Variants in NACAD observed in about 807,000 individuals in gnomAD.
NACAD encodes the protein NAC-alpha domain-containing protein 1.
NACAD carries 47 observed loss-of-function variants against 98.9 expected under a neutral mutation model. The observed-to-expected ratio is 0.48, with a 90% CI of 0.38 to 0.61. The LOEUF is 0.61. NACAD is among the 20% of genes least tolerant of loss of function. NACAD has a pLI of 0.00. For missense variants in NACAD, 1,412 were observed against 1,748.2 expected (o/e 0.81, Z 3.43); for synonymous variants, 696 against 767.2 (o/e 0.91, Z 1.53).
In NACAD at chr7:45,083,158, C is replaced by A; in HGVS notation, c.3022G>T (p.Glu1008Ter). The change falls in exon 2 of 8, where the codon GAA becomes TAA. Residue 1008 changes from glutamate to a stop codon, truncating the protein, a stop_gained. Transcript: ENST00000490531. LOFTEE classifies it high-confidence loss of function. ...VQQDDPQPAAEAGTPWAAQED... is the reference protein window; with the variant it reads ...VQQDDPQPAA ...TGTGCGGCCCAAGGTGTCCCAGCTTCTGCAGCTGGCTGTGGGTCATCCTGT... is the reference window on the plus strand; with the variant it reads ...TGTGCGGCCCAAGGTGTCCCAGCTTATGCAGCTGGCTGTGGGTCATCCTGT... The A allele has an allele frequency of 6.4e-7, 1 of 1,550,904 alleles. No individual in the cohort carries two copies. Among genetic ancestry groups the A allele is most frequent in the Non-Finnish European group, 8.7e-7 (1 of 1,147,014 alleles).
Position 45,083,426 on chromosome 7 carries a change from C to T in NACAD, c.2754G>A (p.Gln918=), listed in dbSNP as rs1315213425. The change falls in exon 2 of 8, where the codon CAG becomes CAA. Residue 918 remains glutamine (Q), a synonymous_variant. Transcript: ENST00000490531. The stretch of plus-strand genomic sequence containing the variant: ...GCAGAGGTGCTGTCATAGCGGAGTC[C>T]TGGGGTAAGGTGAGGCCCTCTTCAG... The part of the protein sequence containing the change: ...QQAEEGLTLP[Q]DSAMTAPLPL... 6.5e-7 allele frequency: 1 copy of T among 1,549,712 alleles called. No homozygotes were observed. The highest frequency in any genetic ancestry group is 2.0e-5 in the Admixed American group (1 of 50,976).
At position 45,088,525 on chromosome 7, in the gene NACAD, G is replaced by A. The variant is rs1239049918; in HGVS notation, c.67+303C>T. Among the ~76,000 whole-genome samples the A allele has an allele frequency of 1.3e-5, 2 of 152,342 alleles. No individual in the cohort carries two copies. Among genetic ancestry groups the A allele is most frequent in the East Asian group, 3.9e-4 (2 of 5,180 alleles). On this transcript the variant is annotated intron_variant, in intron 1 of 7. Transcript: ENST00000490531. The surrounding 1 kb of genome is among the most constrained non-coding windows in gnomAD (Gnocchi z 5.7). Reference sequence around the variant, plus strand: ...AGCCCCAGCAGGCTGGCAGCTCGGTGCAAACAACGGGATGCAGCGGGCGGG... The same window carrying A: ...AGCCCCAGCAGGCTGGCAGCTCGGTACAAACAACGGGATGCAGCGGGCGGG...
At position 45,085,476 on chromosome 7, in the gene NACAD, G is replaced by A. The variant is rs895030971; in HGVS notation, c.704C>T (p.Ser235Phe). 36 of 1,550,634 alleles carry A rather than the reference G, an allele frequency of 2.3e-5. No individual in the cohort carries two copies. Among genetic ancestry groups the A allele is most frequent in the Non-Finnish European group, 3.1e-5 (35 of 1,146,906 alleles). The change falls in exon 2 of 8, where the codon TCC (serine) becomes TTC (phenylalanine). Residue 235 changes from serine (S) to phenylalanine (F), a missense_variant. Around this residue, in one of 5 missense-constraint regions of NACAD, gnomAD observed 638 missense variants for 722.7 expected, o/e 0.88. Coordinates refer to ENST00000490531, the MANE Select transcript of NACAD (RefSeq NM_001146334.2). This position sits in a 1 kb window ranked among gnomAD's most constrained non-coding sequence, Gnocchi z 6.1. ...TTCAGCCGGAGCCAGCAGGCTGAGG[G>A]AACAGGAGGGTGAAGAGGCCCAGCT... is the stretch of plus-strand genomic sequence containing the variant. ...GDSWASSPSC[S>F]LSLLAPAEGL...
Position 45,081,243 on chromosome 7 carries a change from C to T in NACAD, c.4278G>A (p.Leu1426=), listed in dbSNP as rs1784426156. Residue 1426 remains leucine, a synonymous_variant, in exon 5 of 8, where the codon TTG becomes TTA. Transcript: ENST00000490531. ...KARKAMSKLG[L]RQIQGVTRIT... is the part of the protein sequence containing the mutation. ...TCCTGGTGACTCCCTGAATCTGCCG[C>T]AAGCCCAGCTTTGACATTGCCTGGG... The T allele has an allele frequency of 1.3e-6, 2 of 1,551,392 alleles. No individual in the cohort carries two copies. The highest frequency in any genetic ancestry group is 1.7e-6 in the Non-Finnish European group (2 of 1,146,980).
chr7:45,086,194 T>G (rs1331190132), intron 1 of NACAD, 82 bp from the exon 2 acceptor site: 3 of 1,417,546 alleles, frequency 2.1e-6, no homozygotes, highest in Non-Finnish European at 1.9e-6. Flanking sequence ...GAATTCCGGC[T>G]GCATAGGGCC....
rs1288317299 is a variant in NACAD, at chr7:45,083,530, G to C, written c.2650C>G (p.Pro884Ala). Reference sequence around the variant, plus strand: ...TCTGTGTCTTGTAGGGGCAGAGGCGGTGTCATAGCGGAGTCCTGGGGTAAG... The same window carrying C: ...TCTGTGTCTTGTAGGGGCAGAGGCGCTGTCATAGCGGAGTCCTGGGGTAAG... ...LTLPQDSAMT[P>A]PLPLQDTDLS... The change falls in exon 2 of 8, where the codon CCG becomes GCG. Residue 884 changes from proline to alanine, a missense_variant. Around this residue, in one of 5 missense-constraint regions of NACAD, gnomAD observed 72 missense variants for 198.0 expected, o/e 0.36. Transcript: ENST00000490531. 1 of 1,006,764 alleles carries C rather than the reference G, an allele frequency of 9.9e-7. No individual in the cohort carries two copies. Among genetic ancestry groups the C allele is most frequent in the East Asian group, 2.7e-5 (1 of 36,948 alleles). The allele number at this position is 1,006,764 out of a possible 1,614,324, so 62.4% of individuals were successfully genotyped here. A position where few individuals can be genotyped will look rare whatever the true frequency, so the allele number is the denominator to read the frequency against.
In NACAD at chr7:45,088,936, C is replaced by G; in HGVS notation, c.-42G>C. ...CGCCCGTCCCTCAGTCCTTCCGACC[C>G]TCCGTCAGTCCGTGCCGCCGCCCCG... On this transcript the variant is annotated 5_prime_UTR_variant, in exon 1 of 8. Transcript: ENST00000490531. The surrounding 1 kb of genome is among the most constrained non-coding windows in gnomAD (Gnocchi z 5.7). 7.7e-7 allele frequency: 1 copy of G among 1,295,336 alleles called. No homozygotes were observed. Among genetic ancestry groups the G allele is most frequent in the Non-Finnish European group, 9.8e-7 (1 of 1,021,868 alleles). 80.2% of individuals were successfully genotyped at this position (1,295,336 alleles called of 1,614,324 possible). A position where few individuals can be genotyped will look rare whatever the true frequency, so the allele number is the denominator to read the frequency against.
chr7:45,088,805 G>C lies in NACAD; in HGVS notation c.67+23C>G, dbSNP rs1291327668. The C allele has an allele frequency of 6.8e-7, 1 of 1,480,050 alleles. No homozygotes were observed. Among genetic ancestry groups the C allele is most frequent in the Admixed American group, 2.2e-5 (1 of 44,970 alleles). The allele number at this position is 1,480,050 out of a possible 1,614,324, so 91.7% of individuals were successfully genotyped here. A position where few individuals can be genotyped will look rare whatever the true frequency, so the allele number is the denominator to read the frequency against. ...TGGAGAGGGGAGAGGCTGAAGGCAGGGAAAGAGTGGCCACGGCCTCACCTG... is the reference window on the plus strand; with the variant it reads ...TGGAGAGGGGAGAGGCTGAAGGCAGCGAAAGAGTGGCCACGGCCTCACCTG... On this transcript the variant is annotated intron_variant, in intron 1 of 7. Transcript: ENST00000490531. The surrounding 1 kb of genome is among the most constrained non-coding windows in gnomAD (Gnocchi z 5.7).
Position 45,083,505 on chromosome 7 carries a change from T to G in NACAD, c.2675A>C (p.Asp892Ala). ...CACAGGCTTTGGGGCTGACGAGAGA[T>G]CTGTGTCTTGTAGGGGCAGAGGCGG... ...MTPPLPLQDT[D>A]LSSAPKPVAA... The change falls in exon 2 of 8, where the codon GAT becomes GCT. Residue 892 changes from aspartate to alanine, a missense_variant. This residue lies in a region of NACAD where 72 missense variants were observed against 198.0 expected (regional missense o/e 0.36). Transcript: ENST00000490531. 1.6e-6 allele frequency: 1 copy of G among 630,730 alleles called. No homozygotes were observed. Among genetic ancestry groups the G allele is most frequent in the African/African-American group, 2.4e-5 (1 of 41,196 alleles). The allele number at this position is 630,730 out of a possible 1,614,324, so 39.1% of individuals were successfully genotyped here.
rs1045152546 is a variant in NACAD, at chr7:45,083,026, C to T, written c.3154G>A (p.Ala1052Thr). The T allele has an allele frequency of 1.4e-5, 21 of 1,550,984 alleles. No individual in the cohort carries two copies. In the East Asian group the frequency reaches 2.0e-4, roughly 14 times the overall value. Residue 1052 changes from alanine to threonine, a missense_variant, in exon 2 of 8, where the codon GCA becomes ACA. Coordinates refer to ENST00000490531, the MANE Select transcript of NACAD (RefSeq NM_001146334.2). ...GTGTGCGCTCGCGCTTCCAGACATGCTTCCCGTCCAGGCCTAGAAAGGGCT... is the reference window on the plus strand; with the variant it reads ...GTGTGCGCTCGCGCTTCCAGACATGTTTCCCGTCCAGGCCTAGAAAGGGCT... ...AEALSRPGRE[A>T]CLEARAHTGD... is the part of the protein sequence containing the mutation.
Position 45,084,875 on chromosome 7 carries a change from C to T in NACAD, c.1305G>A (p.Gln435=), listed in dbSNP as rs1784489714. ...CCCAGGACACAGTCCCATCCTGAGCCTGCAGCCCCTTGGCCCCACCTCCGC... is the reference window on the plus strand; with the variant it reads ...CCCAGGACACAGTCCCATCCTGAGCTTGCAGCCCCTTGGCCCCACCTCCGC... ...EESGGGAKGL[Q]AQDGTVSWAV... is the part of the protein sequence containing the mutation. The change falls in exon 2 of 8, where the codon CAG becomes CAA. Residue 435 remains glutamine (Q), a synonymous_variant. Coordinates refer to ENST00000490531, the MANE Select transcript of NACAD (RefSeq NM_001146334.2). 1.3e-6 allele frequency: 2 copies of T among 1,551,078 alleles called. No homozygotes were observed. Among genetic ancestry groups the T allele is most frequent in the Non-Finnish European group, 1.7e-6 (2 of 1,146,890 alleles).
rs1288959870 is a variant in NACAD, at chr7:45,084,652, C to G, written c.1528G>C (p.Glu510Gln). Residue 510 changes from glutamate (E) to glutamine (Q), a missense_variant, in exon 2 of 8, where the codon GAA becomes CAA. This residue lies in a region of NACAD where 638 missense variants were observed against 722.7 expected (regional missense o/e 0.88). Coordinates refer to ENST00000490531, the MANE Select transcript of NACAD (RefSeq NM_001146334.2). ...TCTTGTCCAGCGGTGGAGTCTGTTT[C>G]TTCCTCCCCAGCCTGTGGGGTCACT... ...TRVTPQAGEE[E>Q]TDSTAGQESA... The G allele has an allele frequency of 3.9e-6, 6 of 1,551,344 alleles. No individual in the cohort carries two copies. The highest frequency in any genetic ancestry group is 3.9e-5 in the Admixed American group (2 of 50,968).
Position 45,080,888 on chromosome 7 carries a change from CT to C in NACAD, c.4538del (p.Glu1513GlyfsTer19). The C allele has an allele frequency of 6.4e-7, 1 of 1,557,750 alleles. No homozygotes were observed. Among genetic ancestry groups the C allele is most frequent in the Non-Finnish European group, 8.7e-7 (1 of 1,150,706 alleles). ...VRLECKEEEEEEEEEVDEAGL... is the reference protein window; with the variant it reads ...VRLECKEEEEXEEEEVDEAGL... ...CCCTGCACTTCACCTCTTCCTCCTC[CT>C]CCTCTTCCTCTTCCTTGCACTCCAG... On this transcript the variant is annotated frameshift_variant, in exon 6 of 8. Coordinates refer to ENST00000490531, the MANE Select transcript of NACAD (RefSeq NM_001146334.2). LOFTEE classifies it high-confidence loss of function.
chr7:45,082,154 C>A lies in NACAD; in HGVS notation c.4026G>T (p.Gly1342=). 2 of 1,495,162 alleles carry A rather than the reference C, an allele frequency of 1.3e-6. No homozygotes were observed. The highest frequency in any genetic ancestry group is 1.3e-5 in the South Asian group (1 of 74,224). The allele number at this position is 1,495,162 out of a possible 1,614,324, so 92.6% of individuals were successfully genotyped here. A position where few individuals can be genotyped will look rare whatever the true frequency, so the allele number is the denominator to read the frequency against. ...SGPQSPAGPQ[G]LSAPEQQEDE... ...CCTCTTGCTGCTCGGGGGCTGAGAG[C>A]CCTTGAGGGCCAGCTGGGCTCTGGG... is the stretch of plus-strand genomic sequence containing the variant. The change falls in exon 2 of 8, where the codon GGG becomes GGT. Residue 1342 remains glycine, a synonymous_variant. Coordinates refer to ENST00000490531, the MANE Select transcript of NACAD (RefSeq NM_001146334.2). The surrounding 1 kb of genome is among the most constrained non-coding windows in gnomAD (Gnocchi z 4.5).
chr7:45,084,687 A>G lies in NACAD; in HGVS notation c.1493T>C (p.Val498Ala), dbSNP rs3735494. Residue 498 changes from valine (V) to alanine (A), a missense_variant, in exon 2 of 8, where the codon GTG (valine) becomes GCG (alanine). Val to Ala is a moderately conservative substitution (Grantham distance 64, BLOSUM62 0). Coordinates refer to ENST00000490531, the MANE Select transcript of NACAD (RefSeq NM_001146334.2). The part of the protein sequence containing the change: ...LQVAPGLQVE[V>A]ATRVTPQAGE... Reference sequence around the variant, plus strand: ...AGCCTGTGGGGTCACTCTGGTAGCCACCTCCACCTGGAGGCCTGGGGCTAC... The same window carrying G: ...AGCCTGTGGGGTCACTCTGGTAGCCGCCTCCACCTGGAGGCCTGGGGCTAC... 536,278 of 1,550,464 alleles carry G rather than the reference A, an allele frequency of 0.35. 94,107 individuals carry two copies. Among genetic ancestry groups the G allele is most frequent in the Admixed American group, 0.43 (22,117 of 50,898 alleles).
chr7:45,082,283 G>C lies in NACAD; in HGVS notation c.3897C>G (p.Leu1299=), dbSNP rs773401841. 1 of 1,550,662 alleles carries C rather than the reference G, an allele frequency of 6.4e-7. No homozygotes were observed. Among genetic ancestry groups the C allele is most frequent in the South Asian group, 1.2e-5 (1 of 84,056 alleles). ...QPLGTGPRVS[L]SPHSPLLSPK... ...GGCTGAGGAGTGGGGAGTGAGGCGA[G>C]AGGCTGACTCGCGGCCCAGTCCCCA... The change falls in exon 2 of 8, where the codon CTC becomes CTG. Residue 1299 remains leucine (L), a synonymous_variant. Transcript: ENST00000490531. This position sits in a 1 kb window ranked among gnomAD's most constrained non-coding sequence, Gnocchi z 4.5.
Position 45,088,173 on chromosome 7 carries a change from C to T in NACAD, c.67+655G>A, listed in dbSNP as rs556579482. 3.5e-4 allele frequency among the ~76,000 whole-genome samples: 53 copies of T among 152,332 alleles called. 1 individual carries two copies. Among genetic ancestry groups the T allele is most frequent in the Admixed American group, 2.3e-3 (35 of 15,298 alleles). On this transcript the variant is annotated intron_variant, in intron 1 of 7. Coordinates refer to ENST00000490531, the MANE Select transcript of NACAD (RefSeq NM_001146334.2). The surrounding 1 kb of genome is among the most constrained non-coding windows in gnomAD (Gnocchi z 5.7). ...TCCAGGCTCGGCTCTTTCTAGGCCC[C>T]GTAGACCCCATCAGCCTCCACCAGC... is the stretch of plus-strand genomic sequence containing the variant.
rs192600763 is a variant in NACAD at position 45,088,876 on chromosome 7, G to C, written c.19C>G (p.Arg7Gly). 3 of 1,484,974 alleles carry C rather than the reference G, an allele frequency of 2.0e-6. No homozygotes were observed. The highest frequency in any genetic ancestry group is 2.8e-5 in the East Asian group (1 of 35,110). The allele number at this position is 1,484,974 out of a possible 1,614,324, so 92.0% of individuals were successfully genotyped here. MPGEAA[R>G]AELLLPEADR... ...GCCTCGGGCAGCAGCAGCTCGGCGC[G>C]GGCAGCCTCCCCAGGCATGGCCTGG... Residue 7 changes from arginine (R) to glycine (G), a missense_variant, in exon 1 of 8, where the codon CGC becomes GGC. Transcript: ENST00000490531. The surrounding 1 kb of genome is among the most constrained non-coding windows in gnomAD (Gnocchi z 5.7).
Position 45,082,261 on chromosome 7 carries a change from T to C in NACAD, c.3919A>G (p.Ser1307Gly), listed in dbSNP as rs768416264. ...VSLSPHSPLL[S>G]PKVASMDAKD... ...GCATCCATGGAGGCCACCTTGGGGC[T>C]GAGGAGTGGGGAGTGAGGCGAGAGG... The change falls in exon 2 of 8, where the codon AGC becomes GGC. Residue 1307 changes from serine (S) to glycine (G), a missense_variant. Coordinates refer to ENST00000490531, the MANE Select transcript of NACAD (RefSeq NM_001146334.2). This position sits in a 1 kb window ranked among gnomAD's most constrained non-coding sequence, Gnocchi z 4.5. 6.4e-7 allele frequency: 1 copy of C among 1,550,406 alleles called. No individual in the cohort carries two copies. Among genetic ancestry groups the C allele is most frequent in the African/African-American group, 1.4e-5 (1 of 73,146 alleles).
Sources: gnomAD v4.1 joint callset for allele counts (sites outside exome capture counted in the v4.1 genomes callset) on GRCh38, gnomAD v4.1.1 for gene constraint, gnomAD v4.1.1 regional missense constraint, Gnocchi (gnomAD v3.1) non-coding constraint, MANE v1.5 for transcripts, NCBI Gene and HGNC (gene_info 2026-07-23, HGNC 2026-07-21) for gene names.